Variants in RFC3 observed in about 807,000 individuals in gnomAD.
RFC3 encodes A1 38 kDa subunit.
A neutral mutation model predicts 45.1 loss-of-function variants in RFC3; 41 were observed. The ratio of observed to expected loss-of-function variants is 0.91; its 90% CI spans 0.71 to 1.18. The LOEUF (loss-of-function observed/expected upper bound fraction) is 1.18. Among genes scored for constraint, RFC3 ranks in the 50% most tolerant of loss-of-function variants. The probability of loss-of-function intolerance (pLI) is 0.00; values close to 1 mark genes in which losing one functional copy is unlikely to be tolerated. For synonymous variants in RFC3, 149 were observed against 144.0 expected (o/e 1.03, Z -0.25); for missense variants, 423 against 428.1 (o/e 0.99, Z 0.10).
chr13:33,900,086 T>G (rs1011502595), intron 8 of RFC3, among the ~76,000 whole-genome samples: 5 of 151,914 alleles, frequency 3.3e-5, no homozygotes, highest in African/African-American at 1.2e-4. Context: ...TTAATCTTGT[T>G]AAAATGACAA....
intron 8 of RFC3, among the ~76,000 whole-genome samples, chr13:33,937,509 A>G (rs2082894624): frequency 6.6e-6 from 1 of 152,154 alleles, no homozygotes; most frequent in Non-Finnish European, 1.5e-5. Flanking sequence ...AAATGAATTA[A>G]TTGCTTGAGG....
rs115277714 is a variant in RFC3 at position 33,911,717 on chromosome 13, G to T, written c.880-54370G>T. On this transcript the variant is annotated intron_variant, in intron 8 of 8. Transcript: ENST00000434425. Reference sequence around the variant, plus strand: ...ACAACCCACTCTTGAGGGAACTAATGCATTCCTTTGAGAACTAGTCCTGTC... The same window carrying T: ...ACAACCCACTCTTGAGGGAACTAATTCATTCCTTTGAGAACTAGTCCTGTC... 8.8e-3 allele frequency among the ~76,000 whole-genome samples: 1,338 copies of T among 152,120 alleles called. 17 individuals carry two copies. The highest frequency in any genetic ancestry group is 0.028 in the African/African-American group (1,161 of 41,530).
chr13:33,889,624 C>T (rs2082551130), intron 8 of RFC3, among the ~76,000 whole-genome samples: 6 of 152,162 alleles, frequency 3.9e-5, no homozygotes, highest in Admixed American at 3.9e-4. Context: ...TAGCTATAAT[C>T]ACCATACTAT....
intron 8 of RFC3, among the ~76,000 whole-genome samples, chr13:33,867,634 A>G (rs2137555000): frequency 6.6e-6 from 1 of 152,266 alleles, no homozygotes; most frequent in South Asian, 2.1e-4. Context: ...GTGAAAATTA[A>G]TGAAAAATTA....
chr13:33,971,511 T>C (rs373745176), downstream of RFC3, among the ~76,000 whole-genome samples: 17 of 152,376 alleles, frequency 1.1e-4, no homozygotes, highest in South Asian at 3.5e-3. Flanking sequence ...TATTTTAGGC[T>C]TTGTGAGCTA....
intron 8 of RFC3, among the ~76,000 whole-genome samples, chr13:33,856,881 A>G (rs2082311604): frequency 6.6e-6 from 1 of 152,158 alleles, no homozygotes; most frequent in Non-Finnish European, 1.5e-5. Context: ...AAGGCTTTGG[A>G]AGCTCCAGAC....
At chr13:33,856,512 A>T (rs2082309833) in intron 8 of RFC3, among the ~76,000 whole-genome samples, 1 of 152,238 alleles carries the variant, frequency 6.6e-6, no homozygotes, top group African/African-American at 2.4e-5. Context: ...TGATATGGAA[A>T]TGTAATTGTA....
At chr13:33,899,204 C>CAAA (rs59221382) in intron 8 of RFC3, among the ~76,000 whole-genome samples, 69 of 51,970 alleles carry the variant, frequency 1.3e-3, no homozygotes, top group East Asian at 3.2e-3. Context: ...CACAATAAGA[C>CAAA]AAAAAAAAAA....
chr13:33,955,700 G>T (rs1182058120), intron 8 of RFC3, among the ~76,000 whole-genome samples: 1 of 152,188 alleles, frequency 6.6e-6, no homozygotes, highest in African/African-American at 2.4e-5. Flanking sequence ...TCAAGCAGTA[G>T]CTTAAAGTAT....
At chr13:33,861,898 T>A (rs919451418) in intron 8 of RFC3, among the ~76,000 whole-genome samples, 1 of 152,186 alleles carries the variant, frequency 6.6e-6, no homozygotes, top group Non-Finnish European at 1.5e-5. Context: ...TGTAAGAAAT[T>A]GTTTTTATGA....
At chr13:33,900,475 A>T (rs1442440925) in intron 8 of RFC3, among the ~76,000 whole-genome samples, 1 of 151,990 alleles carries the variant, frequency 6.6e-6, no homozygotes, top group Admixed American at 6.6e-5. Context: ...CTGGTTAACT[A>T]TCTGCAGAAG....
chr13:33,955,123 G>C (rs1409304031), intron 8 of RFC3, among the ~76,000 whole-genome samples: 1 of 152,112 alleles, frequency 6.6e-6, no homozygotes, highest in African/African-American at 2.4e-5. Context: ...AATGGTTTCA[G>C]AAAGAATGAT....
chr13:33,871,081 A>C (rs2082404494), intron 8 of RFC3, among the ~76,000 whole-genome samples: 1 of 152,212 alleles, frequency 6.6e-6, no homozygotes, highest in Admixed American at 6.5e-5. Context: ...AGTGTGACTT[A>C]TTTAAAATCA....
At chr13:33,851,417 G>A (rs150050017) in intron 8 of RFC3, among the ~76,000 whole-genome samples, 2 of 152,158 alleles carry the variant, frequency 1.3e-5, no homozygotes, top group African/African-American at 2.4e-5. Context: ...CAGATAACAC[G>A]TATTTTGTAT....
At chr13:33,950,038 T>C (rs2137827926) in intron 8 of RFC3, among the ~76,000 whole-genome samples, 1 of 146,270 alleles carries the variant, frequency 6.8e-6, no homozygotes, top group Middle Eastern at 3.4e-3. Context: ...CTCTGCTTTC[T>C]CTCTCTCTTT....
intron 8 of RFC3, among the ~76,000 whole-genome samples, chr13:33,867,804 C>T (rs1184453175): frequency 1.3e-5 from 2 of 152,232 alleles, no homozygotes; most frequent in Non-Finnish European, 2.9e-5. Context: ...TCACAACTAT[C>T]AGCTACAACC....
chr13:33,882,731 T>C (rs2082493499), intron 8 of RFC3, among the ~76,000 whole-genome samples: 1 of 152,198 alleles, frequency 6.6e-6, no homozygotes, highest in Non-Finnish European at 1.5e-5. Context: ...CAGCAACTGT[T>C]CCATCACCAC....
At chr13:33,905,237 T>G (rs2137681492) in intron 8 of RFC3, among the ~76,000 whole-genome samples, 1 of 151,534 alleles carries the variant, frequency 6.6e-6, no homozygotes, top group East Asian at 2.0e-4. Context: ...ATGTTAGAAA[T>G]TGTTCTGTAT....
chr13:33,841,067 G>A (rs2082194783), downstream of RFC3, among the ~76,000 whole-genome samples: 1 of 152,174 alleles, frequency 6.6e-6, no homozygotes, highest in Non-Finnish European at 1.5e-5. Context: ...TCCACCACCT[G>A]TCAGATCAGC....
Sources: gnomAD v4.1 joint callset for allele counts (sites outside exome capture counted in the v4.1 genomes callset) on GRCh38, gnomAD v4.1.1 for gene constraint, MANE v1.5 for transcripts, NCBI Gene and HGNC (gene_info 2026-07-23, HGNC 2026-07-21) for gene names.